Variants in CAMK2D observed in about 807,000 individuals in gnomAD.
CAMK2D encodes the protein calcium/calmodulin dependent protein kinase II delta, also known as calcium/calmodulin-dependent protein kinase type II subunit delta.
In CAMK2D, 37 loss-of-function variants were observed where a neutral mutation model predicts 84.0. The ratio of observed to expected loss-of-function variants is 0.44; its 90% CI spans 0.34 to 0.58. CAMK2D has a LOEUF of 0.58. Among genes scored for constraint, CAMK2D ranks in the 20% least tolerant of loss-of-function variants. CAMK2D has a pLI of 0.02. For synonymous variants in CAMK2D, 202 were observed against 212.5 expected (o/e 0.95, Z 0.43); for missense variants, 448 against 652.5 (o/e 0.69, Z 3.41).
intron 6 of CAMK2D, 131 bp downstream of exon 6, chr4:113,547,513 T>C: frequency 2.0e-6 from 1 of 498,502 alleles, no homozygotes; most frequent in Non-Finnish European, 3.6e-6. Context: ...TGAGGGAAAG[T>C]TCCTGAGTAA....
At chr4:113,591,298 T>C (rs2098879535) in intron 4 of CAMK2D, among the ~76,000 whole-genome samples, 1 of 152,210 alleles carries the variant, frequency 6.6e-6, no homozygotes, top group Non-Finnish European at 1.5e-5. Context: ...CAAACCATCA[T>C]GAGAGATAAA....
At chr4:113,742,754 G>A (rs1372603081) in intron 2 of CAMK2D, among the ~76,000 whole-genome samples, 1 of 152,230 alleles carries the variant, frequency 6.6e-6, no homozygotes, top group East Asian at 1.9e-4. Context: ...AGGAATGTAA[G>A]CAAGGCACAA....
At chr4:113,591,738 T>G (rs1280168302) in intron 4 of CAMK2D, among the ~76,000 whole-genome samples, 1 of 152,198 alleles carries the variant, frequency 6.6e-6, no homozygotes, top group African/African-American at 2.4e-5. Context: ...CCTCTACATT[T>G]CTACAATTTT....
chr4:113,574,969 C>T (rs13144613), intron 4 of CAMK2D, among the ~76,000 whole-genome samples: 2 of 151,964 alleles, frequency 1.3e-5, no homozygotes, highest in African/African-American at 4.8e-5. Flanking sequence ...ATGGTGAAAT[C>T]AGTTGAAGAA....
At chr4:113,692,793 A>G (rs956051139) in intron 2 of CAMK2D, among the ~76,000 whole-genome samples, 1 of 151,676 alleles carries the variant, frequency 6.6e-6, no homozygotes, top group Admixed American at 6.6e-5. Flanking sequence ...GTGTGTGTGT[A>G]TCTATCTACC....
At position 113,666,089 on chromosome 4, in the gene CAMK2D, A is replaced by G. The variant is rs187393757; in HGVS notation, c.161-4317T>C. 1.8e-3 allele frequency among the ~76,000 whole-genome samples: 279 copies of G among 152,326 alleles called. 1 individual carries two copies. The highest frequency in any genetic ancestry group is 3.1e-3 in the Non-Finnish European group (208 of 68,032). On this transcript the variant is annotated intron_variant, in intron 2 of 20. Transcript: ENST00000511664. ...GACTCCTGTTCCAAATCAAATTTTA[A>G]TCTTTATGCAAAAGAATAATCCTGA...
At chr4:113,595,995 T>C (rs932133586) in intron 4 of CAMK2D, among the ~76,000 whole-genome samples, 2 of 152,224 alleles carry the variant, frequency 1.3e-5, no homozygotes, top group Admixed American at 6.5e-5. Context: ...ATTTTACCCA[T>C]AGGAGAACTT....
intron 16 of CAMK2D, among the ~76,000 whole-genome samples, chr4:113,493,778 A>G (rs1385110348): frequency 6.6e-6 from 1 of 151,572 alleles, no homozygotes; most frequent in African/African-American, 2.4e-5. Context: ...TTTCAGGTAC[A>G]CCAATCAGAC....
intron 4 of CAMK2D, among the ~76,000 whole-genome samples, chr4:113,604,995 A>G (rs990961733): frequency 2.6e-5 from 4 of 152,222 alleles, no homozygotes; most frequent in Non-Finnish European, 1.5e-5. Context: ...CCACTTTGGC[A>G]TAAGGATTAT....
chr4:113,584,286 C>T (rs764330142), intron 4 of CAMK2D, among the ~76,000 whole-genome samples: 5 of 151,918 alleles, frequency 3.3e-5, no homozygotes, highest in Non-Finnish European at 5.9e-5. Flanking sequence ...GGGGTGATTA[C>T]CATAAGCAAA....
intron 16 of CAMK2D, among the ~76,000 whole-genome samples, chr4:113,495,580 T>C (rs1238051919): frequency 1.3e-5 from 2 of 152,206 alleles, no homozygotes; most frequent in African/African-American, 4.8e-5. Context: ...AGTGATTCTA[T>C]AAATTAGCTG....
chr4:113,647,168 T>G (rs1213116672), intron 3 of CAMK2D, among the ~76,000 whole-genome samples: 1 of 152,238 alleles, frequency 6.6e-6, no homozygotes, highest in Non-Finnish European at 1.5e-5. Flanking sequence ...TTTTTGTGTG[T>G]GAAGGAATCA....
intron 9 of CAMK2D, among the ~76,000 whole-genome samples, 188 bp from the exon 10 acceptor site, chr4:113,515,379 T>C (rs1324918775): frequency 1.3e-5 from 2 of 152,112 alleles, no homozygotes; most frequent in Non-Finnish European, 2.9e-5. Context: ...TGTAGACAAC[T>C]ATATATATTA....
intron 3 of CAMK2D, among the ~76,000 whole-genome samples, chr4:113,651,961 T>C (rs923372266): frequency 3.9e-5 from 6 of 152,166 alleles, no homozygotes; most frequent in African/African-American, 1.4e-4. Context: ...CATGCTAATA[T>C]TTCCCTCTGG....
intron 2 of CAMK2D, among the ~76,000 whole-genome samples, chr4:113,699,260 T>C (rs1208550707): frequency 6.6e-6 from 1 of 152,122 alleles, no homozygotes; most frequent in Non-Finnish European, 1.5e-5. Context: ...TACTTTGGTT[T>C]TGTTTATCTG....
At chr4:113,622,383 A>C (rs2099049796) in intron 3 of CAMK2D, among the ~76,000 whole-genome samples, 1 of 152,146 alleles carries the variant, frequency 6.6e-6, no homozygotes, top group Non-Finnish European at 1.5e-5. Context: ...TGGCTATCCC[A>C]CCCACAAGGC....
intron 2 of CAMK2D, among the ~76,000 whole-genome samples, chr4:113,674,897 T>C (rs1406530117): frequency 1.3e-5 from 2 of 151,750 alleles, no homozygotes; most frequent in Admixed American, 6.6e-5. Flanking sequence ...CTTCTACTAT[T>C]TGCTCCTTAA....
At chr4:113,463,486 C>T (rs1276072983) in intron 17 of CAMK2D, among the ~76,000 whole-genome samples, 1 of 152,174 alleles carries the variant, frequency 6.6e-6, no homozygotes, top group East Asian at 1.9e-4. Flanking sequence ...AAGTGATTCT[C>T]CTGCCTCAGC....
rs1375986680 is a variant in CAMK2D, at chr4:113,761,246, C to T, written c.-178G>A. On this transcript the variant is annotated 5_prime_UTR_variant, in exon 1 of 21. Coordinates refer to ENST00000511664, the MANE Select transcript of CAMK2D (RefSeq NM_001321571.2). ...AGGGGCGGGGCGGGAGGGGAGATGA[C>T]CAGAAAGGGTGGCGTGGGGTCTCCT... 2.7e-6 allele frequency: 4 copies of T among 1,466,562 alleles called. No individual in the cohort carries two copies. The highest frequency in any genetic ancestry group is 3.6e-6 in the Non-Finnish European group (4 of 1,111,944). The allele number at this position is 1,466,562 out of a possible 1,614,324, so 90.8% of individuals were successfully genotyped here.
Sources: gnomAD v4.1 joint callset for allele counts (sites outside exome capture counted in the v4.1 genomes callset) on GRCh38, gnomAD v4.1.1 for gene constraint, MANE v1.5 for transcripts, NCBI Gene and HGNC (gene_info 2026-07-23, HGNC 2026-07-21) for gene names.